Variants in MYO1D observed in about 807,000 individuals in gnomAD.
MYO1D encodes the protein myosin ID.
MYO1D carries 83 observed loss-of-function variants against 122.0 expected under a neutral mutation model. That is an observed-to-expected ratio of 0.68 (90% CI 0.57 to 0.82). The LOEUF is 0.82. MYO1D is among the 40% of genes least tolerant of loss of function. The pLI is 0.00. For synonymous variants in MYO1D, 464 were observed against 446.9 expected (o/e 1.04, Z -0.48); for missense variants, 1,157 against 1,269.5 (o/e 0.91, Z 1.35).
At chr17:32,821,191 C>T (rs1050711234) in intron 1 of MYO1D, among the ~76,000 whole-genome samples, 3 of 152,068 alleles carry the variant, frequency 2.0e-5, no homozygotes, top group African/African-American at 7.2e-5. Context: ...CATGGCCCTG[C>T]AAGGGACATG....
At chr17:32,815,620 C>T (rs2090606802) in intron 1 of MYO1D, among the ~76,000 whole-genome samples, 2 of 152,206 alleles carry the variant, frequency 1.3e-5, no homozygotes, top group African/African-American at 4.8e-5. Context: ...CTAAAGAGCA[C>T]ACGCTTTGGC....
Position 32,777,321 on chromosome 17 carries a change from T to G in MYO1D, c.398+1159A>C, listed in dbSNP as rs12950152. ...GCAGGGTAGTGAAGTGTAAGTTCTC[T>G]TCTTTTACATCAACCCAATATCCTT... On this transcript the variant is annotated intron_variant, in intron 3 of 21. Coordinates refer to ENST00000318217, the MANE Select transcript of MYO1D (RefSeq NM_015194.3). 5.1e-3 allele frequency among the ~76,000 whole-genome samples: 770 copies of G among 152,288 alleles called. 3 individuals carry two copies. Among genetic ancestry groups the G allele is most frequent in the African/African-American group, 0.017 (725 of 41,554 alleles).
intron 1 of MYO1D, among the ~76,000 whole-genome samples, chr17:32,837,118 T>G (rs576000247): frequency 1.3e-5 from 2 of 152,248 alleles, no homozygotes. Flanking sequence ...TTTTAAAATT[T>G]TAGCCATTCT....
intron 4 of MYO1D, among the ~76,000 whole-genome samples, chr17:32,775,283 AGAGT>A (rs113844618): frequency 0.14 from 21,678 of 152,050 alleles, 1,965 homozygotes; most frequent in Middle Eastern, 0.28. Context: ...CCTGGATGAC[AGAGT>A]GAGACTCTGT....
chr17:32,634,349 G>T (rs2088067645), intron 20 of MYO1D, among the ~76,000 whole-genome samples: 1 of 152,198 alleles, frequency 6.6e-6, no homozygotes, highest in Admixed American at 6.5e-5. Context: ...ACAAGGAGGG[G>T]CAAAGGAGGA....
intron 11 of MYO1D, among the ~76,000 whole-genome samples, chr17:32,749,620 G>A (rs555803678): frequency 2.6e-5 from 4 of 152,190 alleles, no homozygotes; most frequent in South Asian, 2.1e-4. Context: ...CCACCTAGTC[G>A]GGAGGCTGAG....
chr17:32,713,011 A>G lies in MYO1D; in HGVS notation c.1914-816T>C, dbSNP rs114859946. Among the ~76,000 whole-genome samples, 130 of 152,326 alleles carry G rather than the reference A, an allele frequency of 8.5e-4. 1 individual carries two copies. Among genetic ancestry groups the G allele is most frequent in the African/African-American group, 3.0e-3 (123 of 41,570 alleles). On this transcript the variant is annotated intron_variant, in intron 15 of 21. Coordinates refer to ENST00000318217, the MANE Select transcript of MYO1D (RefSeq NM_015194.3). ...ACCAGGAGGTAGAGGGCATCTTAGA[A>G]GGCTATCACAGAGCTTTTTCCATCA...
At chr17:32,774,928 T>C (rs2090158112) in intron 4 of MYO1D, among the ~76,000 whole-genome samples, 4 of 152,212 alleles carry the variant, frequency 2.6e-5, no homozygotes, top group Admixed American at 6.5e-5. Context: ...AGACTTGATT[T>C]TATAAAGCAC....
At chr17:32,661,878 T>C (rs1447184848) in intron 16 of MYO1D, among the ~76,000 whole-genome samples, 1 of 152,218 alleles carries the variant, frequency 6.6e-6, no homozygotes, top group Non-Finnish European at 1.5e-5. Flanking sequence ...TTATATTGCA[T>C]TGTGTTATAT....
chr17:32,818,408 G>C (rs2090632337), intron 1 of MYO1D, among the ~76,000 whole-genome samples: 1 of 152,166 alleles, frequency 6.6e-6, no homozygotes, highest in African/African-American at 2.4e-5. Context: ...AGTAGCTCCA[G>C]CCCAGTGGGA....
intron 20 of MYO1D, among the ~76,000 whole-genome samples, chr17:32,630,718 G>T (rs2087993231): frequency 6.6e-6 from 1 of 152,038 alleles, no homozygotes; most frequent in African/African-American, 2.4e-5. Context: ...GACTATAGGT[G>T]CCTGCCGCCA....
intron 20 of MYO1D, among the ~76,000 whole-genome samples, chr17:32,620,144 G>A (rs2087836121): frequency 6.6e-6 from 1 of 152,108 alleles, no homozygotes; most frequent in Non-Finnish European, 1.5e-5. Context: ...CTCCAGGAGT[G>A]GGTGGAAACC....
chr17:32,644,895 G>A (rs959094295), intron 19 of MYO1D, among the ~76,000 whole-genome samples: 1 of 152,168 alleles, frequency 6.6e-6, no homozygotes, highest in Non-Finnish European at 1.5e-5. Context: ...TTTAATTGGA[G>A]CATTTTGCAT....
chr17:32,792,433 A>G (rs2090363081), intron 1 of MYO1D: 1 of 149,294 alleles, frequency 6.7e-6, no homozygotes, highest in South Asian at 2.1e-4. Context: ...TGCAATGTTC[A>G]TTAGGTTACT....
At position 32,501,343 on chromosome 17, in the gene MYO1D, C is replaced by G. The variant is rs945206557; in HGVS notation, c.2865-6428G>C. Reference sequence around the variant, plus strand: ...AGAAGCAGCCCTCAGGAAACAAAATCTCTCTCGCTGACTTTCTCCTGCCCA... The same window carrying G: ...AGAAGCAGCCCTCAGGAAACAAAATGTCTCTCGCTGACTTTCTCCTGCCCA... On this transcript the variant is annotated intron_variant, in intron 21 of 21. Coordinates refer to ENST00000318217, the MANE Select transcript of MYO1D (RefSeq NM_015194.3). Among the ~76,000 whole-genome samples the G allele has an allele frequency of 3.9e-5, 6 of 152,184 alleles. No homozygotes were observed. In the South Asian group the frequency reaches 1.2e-3, roughly 31 times the overall value.
chr17:32,642,460 C>A (rs2088216458), intron 19 of MYO1D, among the ~76,000 whole-genome samples: 1 of 152,122 alleles, frequency 6.6e-6, no homozygotes, highest in Admixed American at 6.5e-5. Flanking sequence ...TTTTCCAATT[C>A]TGTGAAGAAA....
chr17:32,562,475 T>C (rs2087134749), intron 21 of MYO1D, among the ~76,000 whole-genome samples: 1 of 152,146 alleles, frequency 6.6e-6, no homozygotes, highest in African/African-American at 2.4e-5. Context: ...AGGATATTTC[T>C]TTCCTTTTAA....
chr17:32,825,341 G>C lies in MYO1D; in HGVS notation c.96-44557C>G, dbSNP rs182266714. Among the ~76,000 whole-genome samples the C allele has an allele frequency of 5.0e-4, 76 of 151,832 alleles. 1 individual carries two copies. The East Asian group carries it at 0.014, about 27-fold the overall frequency. On this transcript the variant is annotated intron_variant, in intron 1 of 21. Transcript: ENST00000318217. ...GTGTTTTGCTCCAATGTCTAGGCTG[G>C]AGTACAGTGGTGTGATCACAGCTCA...
intron 11 of MYO1D, among the ~76,000 whole-genome samples, chr17:32,751,331 AT>A (rs1277641639): frequency 1.3e-5 from 2 of 152,186 alleles, no homozygotes; most frequent in Non-Finnish European, 2.9e-5. Flanking sequence ...AGCATGTGTA[AT>A]AAACAGTTCA....
Sources: allele counts gnomAD v4.1 joint callset (sites outside exome capture counted in the v4.1 genomes callset), GRCh38; gene constraint gnomAD v4.1.1; transcripts MANE v1.5; gene names NCBI Gene and HGNC (gene_info 2026-07-23, HGNC 2026-07-21).